The following PARD3B variants were observed in gnomAD, a reference collection of about 807,000 sequenced individuals.
PARD3B encodes par-3 family cell polarity regulator beta, also known as partitioning defective 3 homolog B.
Under a neutral mutation model 130.2 loss-of-function variants are expected in PARD3B, and 103 were observed. The observed-to-expected ratio is 0.79, with a 90% CI of 0.67 to 0.93. The LOEUF (loss-of-function observed/expected upper bound fraction) is 0.93, where lower values mean the gene tolerates loss of function less well. Among genes scored for constraint, PARD3B ranks in the 40% least tolerant of loss-of-function variants. The pLI, the probability that PARD3B is intolerant of heterozygous loss-of-function variation, is 0.00. For synonymous variants in PARD3B, 583 were observed against 553.2 expected, an observed-to-expected ratio of 1.05 and a Z score of -0.76; for missense variants, 1,609 against 1,499.2, an observed-to-expected ratio of 1.07 and a Z score of -1.21.
chr2:205,541,721 A>G lies in PARD3B; in HGVS notation c.3181-11603A>G, dbSNP rs143686778. 2.6e-5 allele frequency among the ~76,000 whole-genome samples: 4 copies of G among 152,192 alleles called. No homozygotes were observed. In the East Asian group the frequency reaches 5.8e-4, roughly 22 times the overall value. ...GCAATGAGTACAGCCAATCAGAGCA[A>G]TATTCTTTGTTTCATTCATTCAGTC... On this transcript the variant is annotated intron_variant, in intron 21 of 22. Coordinates refer to ENST00000406610, the MANE Select transcript of PARD3B (RefSeq NM_001302769.2).
rs569395450 is a variant in PARD3B at position 205,072,399 on chromosome 2, C to T, written c.504+24709C>T. Reference sequence around the variant, plus strand: ...CCAAGTAGCTGGGATTACAGGCGTGCGCCACCACGCCTGGCTAATTTTTAC... The same window carrying T: ...CCAAGTAGCTGGGATTACAGGCGTGTGCCACCACGCCTGGCTAATTTTTAC... On this transcript the variant is annotated intron_variant, in intron 4 of 22. Coordinates refer to ENST00000406610, the MANE Select transcript of PARD3B (RefSeq NM_001302769.2). Among the ~76,000 whole-genome samples the T allele has an allele frequency of 9.2e-5, 14 of 151,992 alleles. No homozygotes were observed. In the East Asian group the frequency reaches 2.0e-3, roughly 21 times the overall value.
chr2:204,832,742 T>G (rs2043875417), intron 2 of PARD3B, among the ~76,000 whole-genome samples: 2 of 152,198 alleles, frequency 1.3e-5, no homozygotes, highest in Admixed American at 1.3e-4. Flanking sequence ...AGCGTAGTTG[T>G]GTTCTGGAAG....
chr2:205,255,745 GA>G (rs146345243), intron 16 of PARD3B, among the ~76,000 whole-genome samples: 3,696 of 152,260 alleles, frequency 0.024, 58 homozygotes, highest in Non-Finnish European at 0.035. Flanking sequence ...TGGAAGAGAT[GA>G]ATAGAACAAG....
At chr2:205,399,293 T>G (rs933085448) in intron 18 of PARD3B, among the ~76,000 whole-genome samples, 1 of 151,922 alleles carries the variant, frequency 6.6e-6, no homozygotes, top group Non-Finnish European at 1.5e-5. Flanking sequence ...ACAAAAAATC[T>G]AGGAATCTCC....
At chr2:205,588,848 C>T (rs1486302149) in intron 22 of PARD3B, among the ~76,000 whole-genome samples, 2 of 152,198 alleles carry the variant, frequency 1.3e-5, no homozygotes, top group African/African-American at 2.4e-5. Flanking sequence ...CTTGCTGTTC[C>T]CTGGCAAACT....
At chr2:205,370,187 T>C (rs1474178014) in intron 18 of PARD3B, among the ~76,000 whole-genome samples, 1 of 152,354 alleles carries the variant, frequency 6.6e-6, no homozygotes, top group South Asian at 2.1e-4. Flanking sequence ...AATAGTAATA[T>C]GTTGTTTTCC....
chr2:204,558,393 A>T (rs1015630108), intron 1 of PARD3B, among the ~76,000 whole-genome samples: 1 of 152,212 alleles, frequency 6.6e-6, no homozygotes, highest in Non-Finnish European at 1.5e-5. Context: ...GCATTCCTAT[A>T]CACCAATAAC....
At chr2:205,266,920 A>G (rs1183021152) in intron 16 of PARD3B, among the ~76,000 whole-genome samples, 1 of 152,136 alleles carries the variant, frequency 6.6e-6, no homozygotes, top group Non-Finnish European at 1.5e-5. Context: ...ACTTGCCCCT[A>G]TAGTCAGGGC....
At position 204,545,921 on chromosome 2, in the gene PARD3B, C is replaced by T; in HGVS notation, c.-79C>T. The T allele has an allele frequency of 2.1e-6, 3 of 1,414,772 alleles. No homozygotes were observed. Among genetic ancestry groups the T allele is most frequent in the Admixed American group, 2.9e-5 (1 of 33,984 alleles). The allele number at this position is 1,414,772 out of a possible 1,614,324, so 87.6% of individuals were successfully genotyped here. On this transcript the variant is annotated 5_prime_UTR_variant, in exon 1 of 23. Transcript: ENST00000406610. The stretch of plus-strand genomic sequence containing the variant: ...GGTCTCTGGGCCCACCCGCCCCGGG[C>T]GTCCTCCGAGAGTGGGGGCTGCGCC...
chr2:205,441,113 C>T (rs1402493021), intron 20 of PARD3B, among the ~76,000 whole-genome samples: 3 of 152,068 alleles, frequency 2.0e-5, no homozygotes, highest in Non-Finnish European at 4.4e-5. Context: ...TGCAGAGGAG[C>T]AGGGGCCTTT....
chr2:204,584,584 T>G (rs1574499955), intron 1 of PARD3B, among the ~76,000 whole-genome samples: 1 of 152,168 alleles, frequency 6.6e-6, no homozygotes, highest in African/African-American at 2.4e-5. Context: ...AAAAGGGCCA[T>G]CTGGGTAATA....
intron 13 of PARD3B, among the ~76,000 whole-genome samples, chr2:205,184,796 A>AT (rs2036001152): frequency 1.3e-5 from 2 of 151,808 alleles, no homozygotes; most frequent in Non-Finnish European, 2.9e-5. Flanking sequence ...ATATATATAT[A>AT]AATAAAATTT....
intron 20 of PARD3B, among the ~76,000 whole-genome samples, chr2:205,488,400 AG>A (rs1277940501): frequency 6.6e-6 from 1 of 152,162 alleles, no homozygotes; most frequent in African/African-American, 2.4e-5. Flanking sequence ...CTGATCTGAC[AG>A]GAGGCAGAGC....
At chr2:204,616,649 A>G (rs974535445) in intron 1 of PARD3B, among the ~76,000 whole-genome samples, 13 of 152,224 alleles carry the variant, frequency 8.5e-5, no homozygotes, top group African/African-American at 2.9e-4. Flanking sequence ...ACTTATGTTC[A>G]CACAAAAATC....
chr2:204,783,622 A>G (rs1446903038), intron 2 of PARD3B, among the ~76,000 whole-genome samples: 1 of 152,166 alleles, frequency 6.6e-6, no homozygotes, highest in Non-Finnish European at 1.5e-5. Flanking sequence ...TGGTAAAAAG[A>G]ACATTACTTT....
chr2:205,059,889 A>G (rs1470874062), intron 4 of PARD3B, among the ~76,000 whole-genome samples: 1 of 152,084 alleles, frequency 6.6e-6, no homozygotes, highest in Non-Finnish European at 1.5e-5. Flanking sequence ...TTCCAAGTTC[A>G]TGTCAGTCGT....
At position 204,965,318 on chromosome 2, in the gene PARD3B, A is replaced by C. The variant is rs1279909685; in HGVS notation, c.389A>C (p.Lys130Thr). Residue 130 changes from lysine to threonine, a missense_variant, in exon 3 of 23, where the codon AAA becomes ACA. Physicochemically the swap from Lys to Thr is moderately conservative, Grantham distance 78. Transcript: ENST00000406610. ...ATTGAAGTAACCCCTTCTGCTCTAA[A>C]ACTAGGTATGTGTAATGTTTATGAT... ...GEIEVTPSAL[K>T]LGTPLLVRRS... 3 of 1,613,520 alleles carry C rather than the reference A, an allele frequency of 1.9e-6. No individual in the cohort carries two copies. Among genetic ancestry groups the C allele is most frequent in the Non-Finnish European group, 2.5e-6 (3 of 1,179,740 alleles).
At chr2:204,660,631 C>T (rs992116019) in intron 1 of PARD3B, among the ~76,000 whole-genome samples, 1 of 152,124 alleles carries the variant, frequency 6.6e-6, no homozygotes, top group African/African-American at 2.4e-5. Context: ...CAAAAGGTTA[C>T]AGAAGTATAT....
At chr2:205,432,550 C>G (rs558369776) in intron 19 of PARD3B, among the ~76,000 whole-genome samples, 1 of 152,168 alleles carries the variant, frequency 6.6e-6, no homozygotes, top group African/African-American at 2.4e-5. Context: ...GTCTCTCTAC[C>G]TGGAACACTC....
Sources: allele counts gnomAD v4.1 joint callset (sites outside exome capture counted in the v4.1 genomes callset), GRCh38; gene constraint gnomAD v4.1.1; transcripts MANE v1.5; gene names NCBI Gene and HGNC (gene_info 2026-07-23, HGNC 2026-07-21).